VSTM2B: variants seen among roughly 807,000 people sequenced by gnomAD.
VSTM2B encodes V-set and transmembrane domain containing 2B.
In VSTM2B, 24 loss-of-function variants were observed where a neutral mutation model predicts 24.0. The observed-to-expected ratio is 1.00, with a 90% CI of 0.72 to 1.40. The LOEUF (loss-of-function observed/expected upper bound fraction) is 1.40, where lower values mean the gene tolerates loss of function less well. Ranked by LOEUF, VSTM2B falls within the 40% of genes most tolerant of loss-of-function variation. VSTM2B has a pLI of 0.00. For synonymous variants in VSTM2B, 226 were observed against 194.4 expected (o/e 1.16, Z -1.35); for missense variants, 399 against 416.4 (o/e 0.96, Z 0.36).
At chr19:29,539,085 G>A (rs921707128) in intron 4 of VSTM2B, among the ~76,000 whole-genome samples, 1 of 152,118 alleles carries the variant, frequency 6.6e-6, no homozygotes, top group African/African-American at 2.4e-5. Flanking sequence ...TGGGGATGGT[G>A]CCACATCCCC....
intron 4 of VSTM2B, among the ~76,000 whole-genome samples, chr19:29,548,892 C>A (rs1232663632): frequency 6.6e-6 from 1 of 152,236 alleles, no homozygotes; most frequent in East Asian, 1.9e-4. Context: ...GCCAGGTTGG[C>A]TGAGCAAAAG....
Position 29,528,464 on chromosome 19 carries a change from T to G in VSTM2B, c.297+2T>G, listed in dbSNP as rs1568435963. On this transcript the variant is annotated splice_donor_variant, in intron 3 of 4. Transcript: ENST00000335523. LOFTEE classifies it high-confidence loss of function. ...AATAAGGATGCAACTAAAATCAGCG[T>G]AAGTGTGGAGCCCAGCGCGGGCCGC... is the stretch of plus-strand genomic sequence containing the variant. The G allele has an allele frequency of 1.3e-6, 2 of 1,550,944 alleles. No individual in the cohort carries two copies. The highest frequency in any genetic ancestry group is 2.4e-5 in the South Asian group (2 of 84,062).
intron 4 of VSTM2B, among the ~76,000 whole-genome samples, chr19:29,557,134 A>G (rs1021581581): frequency 6.6e-6 from 1 of 152,226 alleles, no homozygotes; most frequent in Non-Finnish European, 1.5e-5. Flanking sequence ...TTCAAACTAT[A>G]CTACAGGGCT....
chr19:29,562,631 G>GT (rs1213778412), intron 4 of VSTM2B, among the ~76,000 whole-genome samples: 1 of 152,160 alleles, frequency 6.6e-6, no homozygotes, highest in African/African-American at 2.4e-5. Flanking sequence ...AAGTAGTGAC[G>GT]TCCCCCGGGG....
intron 4 of VSTM2B, among the ~76,000 whole-genome samples, chr19:29,554,087 C>A (rs1345131947): frequency 6.6e-6 from 1 of 152,146 alleles, no homozygotes; most frequent in Non-Finnish European, 1.5e-5. Context: ...CAGAAAGATA[C>A]TCCATGAGAA....
rs572337177 is a variant in VSTM2B at position 29,528,958 on chromosome 19, G to C, written c.297+496G>C. ...GTGTTGCAGGCTTGCAGGGGACGGG[G>C]TAGGGGGTGGTTGTGCCAGGCTGCG... On this transcript the variant is annotated intron_variant, in intron 3 of 4. Transcript: ENST00000335523. 5.1e-6 allele frequency: 5 copies of C among 985,342 alleles called. No individual in the cohort carries two copies. The African/African-American group carries it at 8.7e-5, about 17-fold the overall frequency. 61.0% of individuals were successfully genotyped at this position (985,342 alleles called of 1,614,324 possible). A position where few individuals can be genotyped will look rare whatever the true frequency, so the allele number is the denominator to read the frequency against.
intron 4 of VSTM2B, among the ~76,000 whole-genome samples, chr19:29,539,807 G>C (rs1368455): frequency 6.6e-6 from 1 of 152,200 alleles, no homozygotes; most frequent in Non-Finnish European, 1.5e-5. Context: ...GTGTAAGCAG[G>C]CTGCCGGCCA....
intron 4 of VSTM2B, among the ~76,000 whole-genome samples, chr19:29,545,520 G>A (rs1265950827): frequency 1.3e-5 from 2 of 152,222 alleles, no homozygotes; most frequent in Non-Finnish European, 2.9e-5. Context: ...GGCTGAGGCA[G>A]GAGAATGACT....
chr19:29,557,509 C>A (rs970718322), intron 4 of VSTM2B, among the ~76,000 whole-genome samples: 4 of 152,020 alleles, frequency 2.6e-5, no homozygotes, highest in Non-Finnish European at 5.9e-5. Context: ...ACCAGCCCGA[C>A]CAACATGGTG....
chr19:29,528,387 A>C (rs1969639176), intron 2 of VSTM2B, 46 bp from the exon 3 acceptor site: 29 of 1,550,944 alleles, frequency 1.9e-5, no homozygotes, highest in Non-Finnish European at 2.5e-5. Flanking sequence ...TCCCCTAGCC[A>C]GAAGGCCGCG....
rs1056688976 is a variant in VSTM2B at position 29,526,452 on chromosome 19, A to C, written c.-132A>C. The C allele has an allele frequency of 1.3e-5, 5 of 386,888 alleles. No individual in the cohort carries two copies. The highest frequency in any genetic ancestry group is 1.6e-5 in the Non-Finnish European group (4 of 251,426). The allele number at this position is 386,888 out of a possible 1,614,324, so 24.0% of individuals were successfully genotyped here. ...GGCTGATTGGCGGCCGCCGGCGGCC[A>C]GGGGAGGGGGCGCCGCGCGGGGCCA... On this transcript the variant is annotated 5_prime_UTR_variant, in exon 1 of 5. Coordinates refer to ENST00000335523, the MANE Select transcript of VSTM2B (RefSeq NM_001146339.2). The surrounding 1 kb of genome is among the most constrained non-coding windows in gnomAD (Gnocchi z 4.1).
chr19:29,529,896 CGAGTGCCGCGTG>C lies in VSTM2B; in HGVS notation c.376_387del (p.Glu126_Val129del). On this transcript the variant is annotated inframe_deletion, in exon 4 of 5. Coordinates refer to ENST00000335523, the MANE Select transcript of VSTM2B (RefSeq NM_001146339.2). ...TGCGGCTGCAGGACGAGGGCGTGTA[CGAGTGCCGCGTG>C]TCGGACTACAGCGACGACGACACGC... is the stretch of plus-strand genomic sequence containing the variant. 2 of 1,550,338 alleles carry C rather than the reference CGAGTGCCGCGTG, an allele frequency of 1.3e-6. No homozygotes were observed. The highest frequency in any genetic ancestry group is 1.7e-6 in the Non-Finnish European group (2 of 1,146,866).
chr19:29,528,557 T>G lies in VSTM2B; in HGVS notation c.297+95T>G, dbSNP rs185649978. The G allele has an allele frequency of 4.7e-3, 6,838 of 1,458,068 alleles. 16 individuals are homozygous for G. Among genetic ancestry groups the G allele is most frequent in the Admixed American group, 6.1e-3 (304 of 49,902 alleles). The allele number at this position is 1,458,068 out of a possible 1,614,324, so 90.3% of individuals were successfully genotyped here. On this transcript the variant is annotated intron_variant, in intron 3 of 4. Transcript: ENST00000335523. ...CTTAGCAAGCCGCGGCGGCCGCGCATGTGGGGCCGCGCAAGTAGGGCAGCG... is the reference window on the plus strand; with the variant it reads ...CTTAGCAAGCCGCGGCGGCCGCGCAGGTGGGGCCGCGCAAGTAGGGCAGCG...
intron 4 of VSTM2B, among the ~76,000 whole-genome samples, chr19:29,563,129 A>T (rs529191892): frequency 6.6e-6 from 1 of 152,248 alleles, no homozygotes; most frequent in South Asian, 2.1e-4. Flanking sequence ...GGATGCCGGG[A>T]TGCACAAGGG....
At position 29,558,966 on chromosome 19, in the gene VSTM2B, A is replaced by G. The variant is rs149273040; in HGVS notation, c.770-4880A>G. Among the ~76,000 whole-genome samples, 878 of 152,318 alleles carry G rather than the reference A, an allele frequency of 5.8e-3. 11 individuals carry two copies. The highest frequency in any genetic ancestry group is 0.021 in the African/African-American group (855 of 41,578). On this transcript the variant is annotated intron_variant, in intron 4 of 4. Transcript: ENST00000335523. ...TCATTAAAAAGTCAGGAAACAACAGATGCTGGAGAGGATGTGGAGAAATAG... is the reference window on the plus strand; with the variant it reads ...TCATTAAAAAGTCAGGAAACAACAGGTGCTGGAGAGGATGTGGAGAAATAG...
rs953889804 is a variant in VSTM2B at position 29,529,013 on chromosome 19, T to G, written c.297+551T>G. ...GCCCGGGTCATGGGGTTGCTAACTC[T>G]GGGAGGAGATGCGCCCAAGCTTCCC... On this transcript the variant is annotated intron_variant, in intron 3 of 4. Coordinates refer to ENST00000335523, the MANE Select transcript of VSTM2B (RefSeq NM_001146339.2). 4.2e-5 allele frequency: 41 copies of G among 985,464 alleles called. No homozygotes were observed. In the African/African-American group the frequency reaches 6.6e-4, roughly 16 times the overall value. The allele number at this position is 985,464 out of a possible 1,614,324, so 61.0% of individuals were successfully genotyped here.
intron 4 of VSTM2B, among the ~76,000 whole-genome samples, chr19:29,558,687 A>G (rs1970466735): frequency 6.6e-6 from 1 of 152,164 alleles, no homozygotes; most frequent in Admixed American, 6.5e-5. Context: ...AGGGAGAGGA[A>G]TGACACACAC....
intron 4 of VSTM2B, among the ~76,000 whole-genome samples, chr19:29,534,423 A>G (rs1049504380): frequency 2.0e-5 from 3 of 152,208 alleles, no homozygotes; most frequent in Non-Finnish European, 4.4e-5. Context: ...GGGGCACTGA[A>G]GAGGCTCATG....
At chr19:29,537,738 C>T (rs530340361) in intron 4 of VSTM2B, among the ~76,000 whole-genome samples, 2 of 151,618 alleles carry the variant, frequency 1.3e-5, no homozygotes, top group African/African-American at 4.8e-5. Context: ...CCTACTCTCC[C>T]GCACCCACCT....
Sources: allele counts gnomAD v4.1 joint callset (sites outside exome capture counted in the v4.1 genomes callset), GRCh38; gene constraint gnomAD v4.1.1; non-coding constraint Gnocchi (gnomAD v3.1); transcripts MANE v1.5; gene names NCBI Gene and HGNC (gene_info 2026-07-23, HGNC 2026-07-21).